Variants in SMARCAD1 observed in about 807,000 individuals in gnomAD.
SMARCAD1 encodes the protein SWI/SNF-related matrix-associated actin-dependent regulator of chromatin subfamily A containing DEAD/H box 1.
In SMARCAD1, 25 loss-of-function variants were observed where a neutral mutation model predicts 127.1. The ratio of observed to expected loss-of-function variants is 0.20; its 90% CI spans 0.14 to 0.27. The LOEUF (loss-of-function observed/expected upper bound fraction) is 0.27, where lower values mean the gene tolerates loss of function less well. SMARCAD1 is among the 10% of genes least tolerant of loss of function. The pLI is 1.00. For missense variants in SMARCAD1, 807 were observed against 1,206.0 expected, an observed-to-expected ratio of 0.67 and a Z score of 4.90; for synonymous variants, 400 against 396.9, an observed-to-expected ratio of 1.01 and a Z score of -0.09.
At chr4:94,281,296 A>G (rs140586862) in intron 20 of SMARCAD1, among the ~76,000 whole-genome samples, 176 bp from the exon 21 acceptor site, 3 of 152,360 alleles carry the variant, frequency 2.0e-5, no homozygotes, top group African/African-American at 2.4e-5. Context: ...ATAGGCTGCA[A>G]TAAGACATAC....
chr4:94,209,946 T>G (rs1236278619), intron 2 of SMARCAD1, among the ~76,000 whole-genome samples: 2 of 152,238 alleles, frequency 1.3e-5, no homozygotes, highest in African/African-American at 4.8e-5. Flanking sequence ...AGCTTCTGCT[T>G]CTTCATTTTT....
chr4:94,218,595 C>T (rs1743587314), intron 2 of SMARCAD1, among the ~76,000 whole-genome samples: 1 of 152,006 alleles, frequency 6.6e-6, no homozygotes, highest in Non-Finnish European at 1.5e-5. Flanking sequence ...TATGTTTCAC[C>T]CTTTCTTTTG....
chr4:94,261,516 T>A (rs758687190), intron 9 of SMARCAD1, among the ~76,000 whole-genome samples: 1 of 152,236 alleles, frequency 6.6e-6, no homozygotes, highest in Non-Finnish European at 1.5e-5. Context: ...AATAGTTACG[T>A]ATTTAATTAC....
intron 3 of SMARCAD1, among the ~76,000 whole-genome samples, chr4:94,226,663 T>A (rs1488356819): frequency 7.2e-5 from 11 of 152,024 alleles, no homozygotes; most frequent in Admixed American, 7.2e-4. Flanking sequence ...TTTTAACATG[T>A]TTATTGGAAA....
intron 4 of SMARCAD1, among the ~76,000 whole-genome samples, chr4:94,235,432 A>G (rs1746500058): frequency 6.6e-6 from 1 of 151,884 alleles, no homozygotes; most frequent in Non-Finnish European, 1.5e-5. Flanking sequence ...CAAACAACAC[A>G]TGTCTGTGAA....
At chr4:94,212,248 C>T (rs1377538079) in intron 2 of SMARCAD1, among the ~76,000 whole-genome samples, 5 of 152,142 alleles carry the variant, frequency 3.3e-5, no homozygotes, top group Non-Finnish European at 7.3e-5. Flanking sequence ...AATCTTGGCT[C>T]ACTGCAACCT....
intron 1 of SMARCAD1, 32 bp from the exon 2 acceptor site, chr4:94,208,314 C>T (rs753611318): frequency 2.6e-5 from 38 of 1,439,884 alleles, no homozygotes; most frequent in Non-Finnish European, 2.1e-5. Flanking sequence ...GTTTTCATGG[C>T]CTTTTTTCCT....
At chr4:94,226,349 A>G (rs1235557300) in intron 3 of SMARCAD1, 53 bp downstream of exon 3, 20 of 1,486,404 alleles carry the variant, frequency 1.3e-5, no homozygotes, top group Admixed American at 3.6e-5. Context: ...ATTTTCCAAG[A>G]AAAAAACCTA....
intron 2 of SMARCAD1, among the ~76,000 whole-genome samples, chr4:94,217,561 C>T (rs1743393253): frequency 6.6e-6 from 1 of 152,050 alleles, no homozygotes; most frequent in South Asian, 2.1e-4. Context: ...TTTTTGTTAA[C>T]ATTTACTTCT....
chr4:94,234,888 G>T (rs1174759745), intron 4 of SMARCAD1, among the ~76,000 whole-genome samples: 2 of 152,276 alleles, frequency 1.3e-5, no homozygotes, highest in East Asian at 3.9e-4. Context: ...TAACTTTGAA[G>T]TGGTAGAGAC....
chr4:94,214,444 T>G (rs1742821110), intron 2 of SMARCAD1, among the ~76,000 whole-genome samples: 1 of 151,560 alleles, frequency 6.6e-6, no homozygotes, highest in South Asian at 2.1e-4. Context: ...TTTTTTTGTA[T>G]TTTTAGTAGA....
At chr4:94,282,674 C>T (rs1381608623) in intron 21 of SMARCAD1, among the ~76,000 whole-genome samples, 6 of 151,346 alleles carry the variant, frequency 4.0e-5, no homozygotes, top group African/African-American at 1.5e-4. Context: ...TTTTTCCCAC[C>T]CGCATTAGAC....
At chr4:94,288,385 CTCT>C (rs760640673) in intron 23 of SMARCAD1, among the ~76,000 whole-genome samples, 62 of 152,096 alleles carry the variant, frequency 4.1e-4, no homozygotes, top group Non-Finnish European at 7.9e-4. Flanking sequence ...TCCTTCTTTT[CTCT>C]TCTCCCTGCA....
intron 9 of SMARCAD1, among the ~76,000 whole-genome samples, chr4:94,262,508 T>A (rs1038322179): frequency 1.3e-5 from 2 of 152,218 alleles, no homozygotes; most frequent in African/African-American, 4.8e-5. Flanking sequence ...CATAGAGTTC[T>A]TTCTAAACAG....
chr4:94,273,749 T>G, intron 12 of SMARCAD1, 33 bp downstream of exon 12: 4 of 1,511,612 alleles, frequency 2.6e-6, no homozygotes, highest in Non-Finnish European at 3.7e-6. Context: ...GTATTTAACT[T>G]TATCATGTTT....
intron 23 of SMARCAD1, among the ~76,000 whole-genome samples, chr4:94,287,625 CA>C (rs1420203873): frequency 7.2e-5 from 11 of 152,128 alleles, no homozygotes; most frequent in African/African-American, 1.2e-4. Context: ...CTGGCGATGG[CA>C]CCTAATAATA....
At chr4:94,277,692 C>T (rs1753495572) in intron 16 of SMARCAD1, among the ~76,000 whole-genome samples, 1 of 152,066 alleles carries the variant, frequency 6.6e-6, no homozygotes, top group African/African-American at 2.4e-5. Flanking sequence ...TCAAGAACTC[C>T]CAGTTTTTTC....
chr4:94,236,394 C>T (rs1329244758), intron 4 of SMARCAD1, among the ~76,000 whole-genome samples: 1 of 151,986 alleles, frequency 6.6e-6, no homozygotes, highest in Non-Finnish European at 1.5e-5. Flanking sequence ...TGCATATGTT[C>T]TTGAAAAGAT....
chr4:94,228,290 C>T (rs890862846), intron 3 of SMARCAD1, among the ~76,000 whole-genome samples: 1 of 152,122 alleles, frequency 6.6e-6, no homozygotes, highest in Admixed American at 6.5e-5. Context: ...ACAGTCTTTT[C>T]AGAATTACCC....
Sources: gnomAD v4.1 joint callset for allele counts (sites outside exome capture counted in the v4.1 genomes callset) on GRCh38, gnomAD v4.1.1 for gene constraint, MANE v1.5 for transcripts, NCBI Gene and HGNC (gene_info 2026-07-23, HGNC 2026-07-21) for gene names.